Variants in CCSER1 observed in about 807,000 individuals in gnomAD.
CCSER1 encodes coiled-coil serine rich protein 1, also known as serine-rich coiled-coil domain-containing protein 1.
CCSER1 carries 41 observed loss-of-function variants against 82.0 expected under a neutral mutation model. That is an observed-to-expected ratio of 0.50 (90% CI 0.39 to 0.65). The LOEUF (loss-of-function observed/expected upper bound fraction) is 0.65. Ranked by LOEUF, CCSER1 falls within the 30% of genes least tolerant of loss-of-function variation. The probability of loss-of-function intolerance (pLI) is 0.00; values close to 1 mark genes in which losing one functional copy is unlikely to be tolerated. For synonymous variants in CCSER1, 414 were observed against 383.9 expected (o/e 1.08, Z -0.92); for missense variants, 1,119 against 1,064.2 (o/e 1.05, Z -0.72).
chr4:90,329,907 C>T (rs1738962962), intron 3 of CCSER1, among the ~76,000 whole-genome samples: 1 of 151,950 alleles, frequency 6.6e-6, no homozygotes, highest in Admixed American at 6.6e-5. Flanking sequence ...TATGTGACTA[C>T]TTATGTAACT....
chr4:90,453,790 C>T (rs1335192118), intron 4 of CCSER1, among the ~76,000 whole-genome samples: 1 of 152,168 alleles, frequency 6.6e-6, no homozygotes, highest in Non-Finnish European at 1.5e-5. Flanking sequence ...TTTCCTGAGA[C>T]ACCCCTTATG....
At chr4:90,227,664 T>G (rs1400713366) in intron 1 of CCSER1, among the ~76,000 whole-genome samples, 1 of 152,200 alleles carries the variant, frequency 6.6e-6, no homozygotes, top group African/African-American at 2.4e-5. Flanking sequence ...GCTCCCAGCG[T>G]GAGCGACGCA....
chr4:91,539,078 A>T (rs2110190450), intron 10 of CCSER1, among the ~76,000 whole-genome samples: 1 of 152,128 alleles, frequency 6.6e-6, no homozygotes, highest in African/African-American at 2.4e-5. Context: ...TGCCTTCTCT[A>T]GATTGAATCA....
intron 9 of CCSER1, among the ~76,000 whole-genome samples, chr4:90,996,899 C>G (rs1165885419): frequency 2.0e-5 from 3 of 152,044 alleles, no homozygotes; most frequent in Non-Finnish European, 4.4e-5. Flanking sequence ...TAACCATTCA[C>G]CCCTTAAAGG....
intron 6 of CCSER1, among the ~76,000 whole-genome samples, chr4:90,650,766 A>G (rs184905914): frequency 7.8e-4 from 119 of 152,332 alleles, no homozygotes; most frequent in Admixed American, 2.5e-3. Context: ...TGCTAAGCCA[A>G]TGTGTCACTA....
At chr4:91,163,584 C>G (rs1381911623) in intron 10 of CCSER1, among the ~76,000 whole-genome samples, 3 of 152,144 alleles carry the variant, frequency 2.0e-5, no homozygotes, top group African/African-American at 4.8e-5. Context: ...TTGTAGGTCT[C>G]TAAGGACTTG....
chr4:91,481,004 G>C (rs1757876496), intron 10 of CCSER1, among the ~76,000 whole-genome samples: 1 of 151,512 alleles, frequency 6.6e-6, no homozygotes, highest in African/African-American at 2.4e-5. Context: ...CTTCATCTCT[G>C]ATTTTATATC....
chr4:90,136,207 C>A (rs1191693171), intron 1 of CCSER1, among the ~76,000 whole-genome samples: 1 of 151,996 alleles, frequency 6.6e-6, no homozygotes, highest in Non-Finnish European at 1.5e-5. Context: ...TGTTTATTAG[C>A]TGGGTGTGGT....
intron 10 of CCSER1, among the ~76,000 whole-genome samples, chr4:91,312,473 G>A (rs1426517906): frequency 6.6e-6 from 1 of 151,818 alleles, no homozygotes; most frequent in African/African-American, 2.4e-5. Context: ...ACTGGTGAAC[G>A]AAAGTTAGCA....
intron 10 of CCSER1, among the ~76,000 whole-genome samples, chr4:91,493,038 A>G (rs921055997): frequency 1.7e-4 from 26 of 152,006 alleles, no homozygotes; most frequent in Admixed American, 5.3e-4. Flanking sequence ...AGATCTCTGA[A>G]AGCAATATGA....
At chr4:90,991,033 T>A (rs543758428) in intron 9 of CCSER1, among the ~76,000 whole-genome samples, 1 of 151,934 alleles carries the variant, frequency 6.6e-6, no homozygotes, top group Non-Finnish European at 1.5e-5. Flanking sequence ...TAGGCAGGTG[T>A]TGGGGCCCAG....
At chr4:90,133,521 A>G (rs988925678) in intron 1 of CCSER1, among the ~76,000 whole-genome samples, 4 of 152,200 alleles carry the variant, frequency 2.6e-5, no homozygotes, top group African/African-American at 4.8e-5. Context: ...CAATAATAAT[A>G]TCACACATGA....
chr4:91,000,767 C>T (rs540801330), intron 9 of CCSER1, among the ~76,000 whole-genome samples: 1 of 152,166 alleles, frequency 6.6e-6, no homozygotes, highest in South Asian at 2.1e-4. Context: ...GATTTGAGTA[C>T]ATTGATTTTG....
At chr4:91,191,604 C>T (rs1324482886) in intron 10 of CCSER1, among the ~76,000 whole-genome samples, 1 of 152,150 alleles carries the variant, frequency 6.6e-6, no homozygotes, top group African/African-American at 2.4e-5. Context: ...CTCCATCAAT[C>T]TGATGTACAT....
chr4:91,428,156 C>G lies in CCSER1; in HGVS notation c.2218-170416C>G, dbSNP rs551196490. On this transcript the variant is annotated intron_variant, in intron 10 of 10. Coordinates refer to ENST00000509176, the MANE Select transcript of CCSER1 (RefSeq NM_001145065.2). ...AAAACAGATTTCCACAGCGCTCAAT[C>G]TTGGCTATAGCATTTTACAGCCACA... 6.0e-4 allele frequency among the ~76,000 whole-genome samples: 92 copies of G among 152,150 alleles called. 2 individuals carry two copies. Among genetic ancestry groups the G allele is most frequent in the Non-Finnish European group, 1.3e-4 (9 of 67,886 alleles).
chr4:90,177,848 C>A (rs1250538192), intron 1 of CCSER1, among the ~76,000 whole-genome samples: 3 of 152,012 alleles, frequency 2.0e-5, no homozygotes, highest in African/African-American at 7.2e-5. Flanking sequence ...TTTGGGCCTG[C>A]TTTATTTACA....
intron 8 of CCSER1, among the ~76,000 whole-genome samples, chr4:90,817,135 C>T (rs1759127694): frequency 6.6e-6 from 1 of 151,866 alleles, no homozygotes; most frequent in Non-Finnish European, 1.5e-5. Context: ...TTAAATATAG[C>T]CCTCTAGGTA....
At chr4:90,889,438 C>A (rs1722644813) in intron 8 of CCSER1, among the ~76,000 whole-genome samples, 2 of 152,134 alleles carry the variant, frequency 1.3e-5, no homozygotes, top group Admixed American at 1.3e-4. Flanking sequence ...TTCTTCACAG[C>A]AGTTAGTCCT....
intron 9 of CCSER1, among the ~76,000 whole-genome samples, chr4:91,053,195 T>C (rs1241293620): frequency 6.6e-6 from 1 of 152,182 alleles, no homozygotes; most frequent in Non-Finnish European, 1.5e-5. Flanking sequence ...CACTAAGACT[T>C]ATGAAGTCCC....
Sources: allele counts gnomAD v4.1 joint callset (sites outside exome capture counted in the v4.1 genomes callset), GRCh38; gene constraint gnomAD v4.1.1; transcripts MANE v1.5; gene names NCBI Gene and HGNC (gene_info 2026-07-23, HGNC 2026-07-21).